The following PPP4R2 variants were observed in gnomAD, a reference collection of about 807,000 sequenced individuals.
The protein encoded by PPP4R2 is serine/threonine-protein phosphatase 4 regulatory subunit 2.
PPP4R2 carries 13 observed loss-of-function variants against 47.2 expected under a neutral mutation model. The ratio of observed to expected loss-of-function variants is 0.28; its 90% CI spans 0.18 to 0.44. The LOEUF (loss-of-function observed/expected upper bound fraction) is 0.44. Among genes scored for constraint, PPP4R2 ranks in the 20% least tolerant of loss-of-function variants. The pLI is 1.00. For synonymous variants in PPP4R2, 151 were observed against 163.3 expected (o/e 0.92, Z 0.57); for missense variants, 421 against 491.2 (o/e 0.86, Z 1.35).
intron 2 of PPP4R2, among the ~76,000 whole-genome samples, chr3:73,040,916 G>A (rs1702365994): frequency 6.6e-6 from 1 of 152,146 alleles, no homozygotes. Context: ...AATACCCGTA[G>A]TGAGTAAGGA....
chr3:73,014,443 A>G (rs909401062), intron 2 of PPP4R2, among the ~76,000 whole-genome samples: 1 of 151,952 alleles, frequency 6.6e-6, no homozygotes, highest in African/African-American at 2.4e-5. Context: ...GCACCACCAC[A>G]CCCAGCTAAT....
At chr3:73,038,427 G>A (rs944845705) in intron 2 of PPP4R2, among the ~76,000 whole-genome samples, 3 of 151,528 alleles carry the variant, frequency 2.0e-5, no homozygotes, top group African/African-American at 7.3e-5. Flanking sequence ...CCAGTGGAGT[G>A]CAGTGTCACC....
chr3:72,996,813 G>A lies in PPP4R2; in HGVS notation c.-225G>A, dbSNP rs529924475. Reference sequence around the variant, plus strand: ...GAGCGTGCGCGCGGTGACGTACCGGGCGCCATGTTGGAGGGTTGGTGGTAG... The same window carrying A: ...GAGCGTGCGCGCGGTGACGTACCGGACGCCATGTTGGAGGGTTGGTGGTAG... On this transcript the variant is annotated 5_prime_UTR_variant, in exon 1 of 9. Transcript: ENST00000356692. 5 of 385,570 alleles carry A rather than the reference G, an allele frequency of 1.3e-5. No individual in the cohort carries two copies. The South Asian group carries it at 5.5e-4, about 42-fold the overall frequency. The allele number at this position is 385,570 out of a possible 1,614,324, so 23.9% of individuals were successfully genotyped here.
intron 2 of PPP4R2, among the ~76,000 whole-genome samples, chr3:73,016,478 A>G (rs1165039432): frequency 6.6e-6 from 1 of 152,166 alleles, no homozygotes; most frequent in Non-Finnish European, 1.5e-5. Flanking sequence ...GTCAAGGTTG[A>G]GAGACTGCTT....
At chr3:72,998,829 A>G (rs930761578) in intron 2 of PPP4R2, among the ~76,000 whole-genome samples, 1 of 152,196 alleles carries the variant, frequency 6.6e-6, no homozygotes, top group East Asian at 1.9e-4. Context: ...TGTGGTAGAC[A>G]CAATCTGGCT....
At chr3:73,031,689 G>T (rs1450958841) in intron 2 of PPP4R2, among the ~76,000 whole-genome samples, 1 of 152,114 alleles carries the variant, frequency 6.6e-6, no homozygotes. Context: ...GTATTTCTAG[G>T]CCAGAGAGAA....
chr3:73,004,686 C>T lies in PPP4R2; in HGVS notation c.116+6528C>T, dbSNP rs1278086343. Among the ~76,000 whole-genome samples the T allele has an allele frequency of 3.3e-5, 5 of 152,120 alleles. No homozygotes were observed. In the East Asian group the frequency reaches 9.7e-4, roughly 29 times the overall value. On this transcript the variant is annotated intron_variant, in intron 2 of 8. Coordinates refer to ENST00000356692, the MANE Select transcript of PPP4R2 (RefSeq NM_174907.4). ...GCTTGAACTCCCGAGCTTAAGTGAT[C>T]TGCCCACTTTGTTGGCCTCTTAAAG...
intron 2 of PPP4R2, among the ~76,000 whole-genome samples, chr3:73,005,057 T>G (rs1391295633): frequency 6.6e-6 from 1 of 150,652 alleles, no homozygotes; most frequent in Non-Finnish European, 1.5e-5. Flanking sequence ...CTAACCGCAA[T>G]CTCCGCCTCC....
chr3:73,033,995 C>T (rs541269354), intron 2 of PPP4R2, among the ~76,000 whole-genome samples: 15 of 152,242 alleles, frequency 9.9e-5, no homozygotes, highest in East Asian at 3.9e-4. Context: ...CCACAATGGC[C>T]GCGCCATTTT....
intron 2 of PPP4R2, among the ~76,000 whole-genome samples, chr3:73,008,458 A>G (rs1353317912): frequency 6.6e-6 from 1 of 152,168 alleles, no homozygotes; most frequent in South Asian, 2.1e-4. Context: ...GTGCCCAAAT[A>G]AGCTCATGTT....
intron 2 of PPP4R2, among the ~76,000 whole-genome samples, chr3:73,018,030 A>G (rs189741970): frequency 2.0e-5 from 3 of 152,320 alleles, no homozygotes; most frequent in Admixed American, 2.0e-4. Flanking sequence ...GGGCGTGCAG[A>G]TACAGACCAG....
At position 73,065,086 on chromosome 3, in the gene PPP4R2, T is replaced by C; in HGVS notation, c.873T>C (p.Cys291=). Residue 291 remains cysteine (C), a synonymous_variant, in exon 8 of 9, where the codon TGT becomes TGC. Transcript: ENST00000356692. Reference sequence around the variant, plus strand: ...AGGATAAAGACAAAGATAGCCGTTGTACCCGGCAGCACTGTACAGAAGAGG... The same window carrying C: ...AGGATAAAGACAAAGATAGCCGTTGCACCCGGCAGCACTGTACAGAAGAGG... ...SSQDKDKDSR[C]TRQHCTEEDE... is the part of the protein sequence containing the mutation. 1 of 1,614,066 alleles carries C rather than the reference T, an allele frequency of 6.2e-7. No individual in the cohort carries two copies. Among genetic ancestry groups the C allele is most frequent in the Non-Finnish European group, 8.5e-7 (1 of 1,179,932 alleles).
In PPP4R2 at chr3:73,067,602, T is replaced by C. The variant is rs1703027823; in HGVS notation, c.*1880T>C. On this transcript the variant is annotated 3_prime_UTR_variant, in exon 9 of 9. Coordinates refer to ENST00000356692, the MANE Select transcript of PPP4R2 (RefSeq NM_174907.4). Reference sequence around the variant, plus strand: ...TGTTAAAATGAGGCAAATTTAAGTTTACAAATTTTGAAATTTTCTTTTGAA... The same window carrying C: ...TGTTAAAATGAGGCAAATTTAAGTTCACAAATTTTGAAATTTTCTTTTGAA... The C allele has an allele frequency of 6.6e-6, 1 of 152,222 alleles. No individual in the cohort carries two copies. Among genetic ancestry groups the C allele is most frequent in the South Asian group, 2.1e-4 (1 of 4,836 alleles). The allele number at this position is 152,222 out of a possible 1,614,324, so 9.4% of individuals were successfully genotyped here.
chr3:73,056,598 A>G (rs1702736355), intron 3 of PPP4R2, among the ~76,000 whole-genome samples: 1 of 152,056 alleles, frequency 6.6e-6, no homozygotes, highest in Non-Finnish European at 1.5e-5. Flanking sequence ...TGACTTTTAA[A>G]GCTTCTTTTA....
intron 2 of PPP4R2, among the ~76,000 whole-genome samples, chr3:73,009,179 G>A (rs1197662037): frequency 6.6e-6 from 1 of 152,168 alleles, no homozygotes; most frequent in Non-Finnish European, 1.5e-5. Context: ...CAGCTTGAAA[G>A]CTTAGAGGAA....
At chr3:73,061,108 C>T (rs1165094655) in intron 5 of PPP4R2, 48 bp downstream of exon 5, 8 of 827,044 alleles carry the variant, frequency 9.7e-6, no homozygotes, top group Non-Finnish European at 1.1e-5. Context: ...TATATTTAAT[C>T]ATTTTATTGC....
intron 2 of PPP4R2, among the ~76,000 whole-genome samples, chr3:73,016,703 C>T (rs541556824): frequency 1.7e-5 from 2 of 117,692 alleles, no homozygotes; most frequent in Admixed American, 8.6e-5. Flanking sequence ...AATATGGTGT[C>T]TGTTAACTAG....
intron 3 of PPP4R2, among the ~76,000 whole-genome samples, chr3:73,054,437 T>G (rs1174442298): frequency 1.3e-5 from 2 of 152,242 alleles, no homozygotes; most frequent in Non-Finnish European, 1.5e-5. Flanking sequence ...TTTGTAGGTG[T>G]AAACAAAATT....
chr3:73,033,382 C>G (rs1702204960), intron 2 of PPP4R2, among the ~76,000 whole-genome samples: 1 of 152,170 alleles, frequency 6.6e-6, no homozygotes, highest in Non-Finnish European at 1.5e-5. Flanking sequence ...CAGAATTACA[C>G]AGTTTTACTG....
Sources: gnomAD v4.1 joint callset for allele counts (sites outside exome capture counted in the v4.1 genomes callset) on GRCh38, gnomAD v4.1.1 for gene constraint, MANE v1.5 for transcripts, NCBI Gene and HGNC (gene_info 2026-07-23, HGNC 2026-07-21) for gene names.